Variants in AMD1 observed in about 807,000 individuals in gnomAD.
AMD1 encodes the protein adenosylmethionine decarboxylase 1.
A neutral mutation model predicts 40.2 loss-of-function variants in AMD1; 11 were observed. The ratio of observed to expected loss-of-function variants is 0.27; its 90% confidence interval spans 0.17 to 0.45. The LOEUF (loss-of-function observed/expected upper bound fraction) is 0.45, where lower values mean the gene tolerates loss of function less well. Ranked by LOEUF, AMD1 falls within the 20% of genes least tolerant of loss-of-function variation. The pLI is 1.00. For synonymous variants in AMD1, 121 were observed against 130.8 expected (o/e 0.93, Z 0.51); for missense variants, 257 against 410.2 (o/e 0.63, Z 3.23).
chr6:110,855,585 C>G, the AMD1 span, among the ~76,000 whole-genome samples: 11 of 152,104 alleles, frequency 7.2e-5, no homozygotes, highest in African/African-American at 9.7e-5. Context: ...GCAGGTGTCT[C>G]TTGTCTAGGA....
chr6:110,885,941 A>G (rs748816551), intron 1 of AMD1, among the ~76,000 whole-genome samples: 54 of 152,180 alleles, frequency 3.5e-4, no homozygotes, highest in Admixed American at 1.4e-3. Context: ...ATTTCGCTCA[A>G]AAGGTCTTAT....
At chr6:110,882,187 A>G (rs1488994537) in intron 1 of AMD1, among the ~76,000 whole-genome samples, 2 of 152,212 alleles carry the variant, frequency 1.3e-5, no homozygotes, top group African/African-American at 2.4e-5. Flanking sequence ...GCTGGTGTGC[A>G]GTGGCACGAT....
At chr6:110,875,311 C>T in intron 1 of AMD1, 96 bp downstream of exon 1, 1 of 1,015,002 alleles carries the variant, frequency 9.9e-7, no homozygotes, top group Non-Finnish European at 1.5e-6. Flanking sequence ...CCTCAGCTTT[C>T]AGTTGGGGGC....
At chr6:110,829,647 C>T in the AMD1 span, among the ~76,000 whole-genome samples, 12 of 150,998 alleles carry the variant, frequency 7.9e-5, no homozygotes, top group African/African-American at 1.5e-4. Context: ...CCAGCCTGGG[C>T]GACAGAGGGA....
the AMD1 span, among the ~76,000 whole-genome samples, chr6:110,846,325 AC>A: frequency 6.6e-6 from 1 of 152,218 alleles, no homozygotes; most frequent in Non-Finnish European, 1.5e-5. Flanking sequence ...GGTGAAAAAA[AC>A]ATTAATGAGG....
the AMD1 span, among the ~76,000 whole-genome samples, chr6:110,822,608 A>C: frequency 6.6e-6 from 1 of 152,034 alleles, no homozygotes; most frequent in African/African-American, 2.4e-5. Flanking sequence ...AAAAAAAAGA[A>C]ATCTTATCCT....
At chr6:110,891,991 T>C (rs12201535) in intron 4 of AMD1, 170 bp from the exon 5 acceptor site, 32,095 of 768,996 alleles carry the variant, frequency 0.042, 865 homozygotes, top group Middle Eastern at 0.073. Context: ...TCTGCCTCCC[T>C]GCCAAAAGGG....
the AMD1 span, among the ~76,000 whole-genome samples, chr6:110,866,044 T>G: frequency 6.6e-6 from 1 of 152,200 alleles, no homozygotes; most frequent in African/African-American, 2.4e-5. Context: ...ATTACAGGTG[T>G]GACCCACCAT....
the AMD1 span, chr6:110,816,072 G>C: frequency 1.3e-5 from 2 of 152,190 alleles, no homozygotes. Flanking sequence ...TGCAAAAACC[G>C]TATTTCAAAA....
At chr6:110,844,584 A>G in the AMD1 span, among the ~76,000 whole-genome samples, 1 of 152,066 alleles carries the variant, frequency 6.6e-6, no homozygotes, top group African/African-American at 2.4e-5. Flanking sequence ...GATCGAGACC[A>G]TCGTGGCTAA....
chr6:110,833,122 A>C, the AMD1 span, among the ~76,000 whole-genome samples: 1 of 152,132 alleles, frequency 6.6e-6, no homozygotes, highest in Non-Finnish European at 1.5e-5. Flanking sequence ...TGCCCGGCTG[A>C]TCCACCTATT....
At chr6:110,853,597 G>A in the AMD1 span, among the ~76,000 whole-genome samples, 1 of 152,036 alleles carries the variant, frequency 6.6e-6, no homozygotes, top group Admixed American at 6.6e-5. Flanking sequence ...GTGAGCCACC[G>A]CACCTGGCCA....
rs986148266 is a variant in AMD1, at chr6:110,893,668, G to C, written c.*52G>C. On this transcript the variant is annotated 3_prime_UTR_variant, in exon 9 of 9. Coordinates refer to ENST00000368885, the MANE Select transcript of AMD1 (RefSeq NM_001634.6). The stretch of plus-strand genomic sequence containing the variant: ...AAAGAGAACACATGTAGAAGGTGGT[G>C]GATGCTTTCTAGATGTCGATGCTGG... The C allele has an allele frequency of 1.3e-6, 2 of 1,588,746 alleles. No homozygotes were observed. The highest frequency in any genetic ancestry group is 1.7e-6 in the Non-Finnish European group (2 of 1,170,168).
rs749991119 is a variant in AMD1, at chr6:110,892,736, A to G, written c.617A>G (p.Glu206Gly). The G allele has an allele frequency of 6.2e-7, 1 of 1,600,036 alleles. No individual in the cohort carries two copies. Among genetic ancestry groups the G allele is most frequent in the East Asian group, 2.2e-5 (1 of 44,832 alleles). The change falls in exon 7 of 9, where the codon GAG becomes GGG. Residue 206 changes from glutamate (E) to glycine (G), a missense_variant and splice_region_variant. By Grantham distance (98) the Glu-to-Gly change is moderately conservative (BLOSUM62 -2). This residue lies in a region of AMD1 where 192 missense variants were observed against 296.5 expected (regional missense o/e 0.65). Transcript: ENST00000368885. ...AACTCGGTCTTTTTCCCCCCCCAGG[A>G]GAGTGGAATTCGTGACCTGATACCA... ...DGVTAKDVTRESGIRDLIPGS... is the reference protein window; with the variant it reads ...DGVTAKDVTRGSGIRDLIPGS...
At chr6:110,885,840 A>C (rs979695239) in intron 1 of AMD1, among the ~76,000 whole-genome samples, 10 of 152,342 alleles carry the variant, frequency 6.6e-5, no homozygotes, top group Admixed American at 5.2e-4. Context: ...TTCTTGTAGC[A>C]AAATGGTGAG....
At chr6:110,866,440 C>G in the AMD1 span, among the ~76,000 whole-genome samples, 4 of 152,072 alleles carry the variant, frequency 2.6e-5, no homozygotes, top group Non-Finnish European at 4.4e-5. Context: ...AAGTACACAA[C>G]GAGCACAAGA....
At chr6:110,814,933 C>T in the AMD1 span, 1 of 1,583,202 alleles carries the variant, frequency 6.3e-7, no homozygotes, top group Non-Finnish European at 8.6e-7. Context: ...CGACTGGGAT[C>T]CGACCCACCC....
the AMD1 span, among the ~76,000 whole-genome samples, chr6:110,863,295 CTT>C: frequency 6.7e-6 from 1 of 149,904 alleles, no homozygotes; most frequent in Non-Finnish European, 1.5e-5. Context: ...AGATACATGT[CTT>C]TTACTTAGGG....
At position 110,890,673 on chromosome 6, in the gene AMD1, A is replaced by G. The variant is rs1365619349; in HGVS notation, c.427+317A>G. On this transcript the variant is annotated intron_variant, in intron 4 of 8. Coordinates refer to ENST00000368885, the MANE Select transcript of AMD1 (RefSeq NM_001634.6). ...GCTAATTTTTTTTTAATTTTTAGTA[A>G]AGACAAGGTTTTGCCATATTGCCCA... The G allele has an allele frequency of 3.4e-5, 6 of 174,470 alleles. No homozygotes were observed. In the East Asian group the frequency reaches 7.8e-4, roughly 23 times the overall value. The allele number at this position is 174,470 out of a possible 1,614,324, so 10.8% of individuals were successfully genotyped here.
Sources: allele counts gnomAD v4.1 joint callset (sites outside exome capture counted in the v4.1 genomes callset), GRCh38; gene constraint gnomAD v4.1.1; regional missense constraint gnomAD v4.1.1; transcripts MANE v1.5; gene names NCBI Gene and HGNC (gene_info 2026-07-23, HGNC 2026-07-21).